The following AGBL4 variants were observed in gnomAD, a reference collection of about 807,000 sequenced individuals.
AGBL4 encodes AGBL carboxypeptidase 4, also known as cytosolic carboxypeptidase 6.
AGBL4 carries 58 observed loss-of-function variants against 66.4 expected under a neutral mutation model. The observed-to-expected ratio is 0.87, with a 90% CI of 0.71 to 1.09. AGBL4 has a LOEUF of 1.09. AGBL4 is among the 50% of genes least tolerant of loss of function. The probability of loss-of-function intolerance (pLI) is 0.00; values close to 1 mark genes in which losing one functional copy is unlikely to be tolerated. For missense variants in AGBL4, 579 were observed against 631.0 expected (o/e 0.92, Z 0.88); for synonymous variants, 234 against 222.9 (o/e 1.05, Z -0.44).
intron 6 of AGBL4, among the ~76,000 whole-genome samples, chr1:48,730,406 A>C (rs1385939597): frequency 3.3e-5 from 5 of 152,252 alleles, no homozygotes; most frequent in African/African-American, 1.2e-4. Flanking sequence ...TATCTACGAA[A>C]GTAGCATTTC....
At chr1:49,344,157 C>T (rs374860159) in intron 3 of AGBL4, among the ~76,000 whole-genome samples, 3 of 152,092 alleles carry the variant, frequency 2.0e-5, no homozygotes, top group South Asian at 2.1e-4. Flanking sequence ...ACCTGATACA[C>T]GATTAAAATC....
chr1:49,070,676 T>C (rs919861413), intron 4 of AGBL4, among the ~76,000 whole-genome samples: 1 of 151,996 alleles, frequency 6.6e-6, no homozygotes, highest in Non-Finnish European at 1.5e-5. Context: ...TCATCAAGGA[T>C]ATTGGCCTAA....
At chr1:49,134,703 A>T (rs187487436) in intron 4 of AGBL4, among the ~76,000 whole-genome samples, 1 of 152,004 alleles carries the variant, frequency 6.6e-6, no homozygotes, top group Admixed American at 6.6e-5. Context: ...CAGATTTCAT[A>T]TTGTTCAAAC....
intron 3 of AGBL4, among the ~76,000 whole-genome samples, chr1:49,372,636 TTTCTTTCTTTCTTTC>T (rs1233869201): frequency 7.3e-6 from 1 of 136,154 alleles, no homozygotes; most frequent in East Asian, 2.0e-4. Context: ...TCTTTCTTTC[TTTCTTTCTTTCTTTC>T]TTTCTTTCTT....
chr1:49,941,693 TAAAAAAACTCTCAAAAATTAA>T (rs1388022092), intron 1 of AGBL4, among the ~76,000 whole-genome samples: 25 of 152,066 alleles, frequency 1.6e-4, no homozygotes, highest in Admixed American at 1.6e-3. Flanking sequence ...TTCATGATTT[TAAAAAAACTCTCAAAAATTAA>T]GTATAGAAGA....
chr1:48,732,729 C>T (rs748193989), intron 6 of AGBL4, among the ~76,000 whole-genome samples: 1 of 152,162 alleles, frequency 6.6e-6, no homozygotes, highest in Non-Finnish European at 1.5e-5. Context: ...GGCAGATCAT[C>T]TGTAACAGGT....
At chr1:49,271,193 C>T (rs930981102) in intron 3 of AGBL4, among the ~76,000 whole-genome samples, 2 of 152,018 alleles carry the variant, frequency 1.3e-5, no homozygotes, top group Non-Finnish European at 2.9e-5. Context: ...CTTTTGATTT[C>T]TTATATTCTT....
intron 3 of AGBL4, among the ~76,000 whole-genome samples, chr1:49,512,484 C>T (rs1649361319): frequency 6.6e-6 from 1 of 151,846 alleles, no homozygotes. Flanking sequence ...TGGCTTGGTG[C>T]TCTTCTCACA....
At chr1:49,579,044 G>T (rs1644491856) in intron 3 of AGBL4, among the ~76,000 whole-genome samples, 1 of 152,132 alleles carries the variant, frequency 6.6e-6, no homozygotes, top group Non-Finnish European at 1.5e-5. Context: ...GAAAGGCCTA[G>T]CCTCCTAGCT....
intron 1 of AGBL4, among the ~76,000 whole-genome samples, chr1:49,910,056 C>A (rs1650665579): frequency 1.3e-5 from 2 of 152,114 alleles, no homozygotes; most frequent in African/African-American, 4.8e-5. Context: ...GGGAGCCATC[C>A]ACATTTAGAT....
intron 4 of AGBL4, among the ~76,000 whole-genome samples, chr1:49,221,540 A>G (rs1055453002): frequency 6.6e-5 from 10 of 152,216 alleles, no homozygotes; most frequent in African/African-American, 2.4e-4. Flanking sequence ...TGCACTATCA[A>G]TAGCCATGAA....
chr1:49,104,746 T>C (rs1440789487), intron 4 of AGBL4, among the ~76,000 whole-genome samples: 1 of 152,088 alleles, frequency 6.6e-6, no homozygotes, highest in East Asian at 1.9e-4. Context: ...AATACATCAC[T>C]CTAGGCATGA....
intron 2 of AGBL4, among the ~76,000 whole-genome samples, chr1:49,723,116 A>C (rs1571407489): frequency 6.6e-6 from 1 of 152,204 alleles, no homozygotes; most frequent in African/African-American, 2.4e-5. Flanking sequence ...ATCAATGACA[A>C]TCCCTGAAAA....
intron 6 of AGBL4, among the ~76,000 whole-genome samples, chr1:48,683,189 C>T (rs1646480789): frequency 6.6e-6 from 1 of 152,202 alleles, no homozygotes; most frequent in South Asian, 2.1e-4. Context: ...TTCAAATGTC[C>T]ACCAAGTCCC....
intron 5 of AGBL4, among the ~76,000 whole-genome samples, chr1:48,936,608 G>C (rs896360170): frequency 1.3e-5 from 2 of 152,148 alleles, no homozygotes; most frequent in African/African-American, 4.8e-5. Flanking sequence ...GAAGGCTTGA[G>C]TACTTGCTGG....
intron 9 of AGBL4, among the ~76,000 whole-genome samples, chr1:48,629,585 G>A (rs114470334): frequency 1.3e-5 from 2 of 152,132 alleles, no homozygotes; most frequent in African/African-American, 4.8e-5. Context: ...GGAAGACAAG[G>A]GATCTGGGAT....
chr1:48,541,276 C>T (rs889595293), intron 11 of AGBL4, among the ~76,000 whole-genome samples: 1 of 152,176 alleles, frequency 6.6e-6, no homozygotes, highest in Non-Finnish European at 1.5e-5. Context: ...AGGGGTCTCT[C>T]CTAGGTTTTC....
chr1:49,020,704 C>T (rs1663180049), intron 5 of AGBL4, among the ~76,000 whole-genome samples: 1 of 152,112 alleles, frequency 6.6e-6, no homozygotes, highest in Admixed American at 6.5e-5. Context: ...GAAACAGGAG[C>T]CCAGAGCAAG....
chr1:49,214,104 C>T (rs1321706349), intron 4 of AGBL4, among the ~76,000 whole-genome samples: 2 of 152,130 alleles, frequency 1.3e-5, no homozygotes, highest in African/African-American at 4.8e-5. Flanking sequence ...GCAGGAGAGA[C>T]AGACACATAA....
Sources: allele counts gnomAD v4.1 joint callset (sites outside exome capture counted in the v4.1 genomes callset), GRCh38; gene constraint gnomAD v4.1.1; transcripts MANE v1.5; gene names NCBI Gene and HGNC (gene_info 2026-07-23, HGNC 2026-07-21).